The following VSIG1 variants were observed in gnomAD, a reference collection of about 807,000 sequenced individuals.
The protein encoded by VSIG1 is V-set and immunoglobulin domain containing 1, also known as V-set and immunoglobulin domain-containing protein 1.
VSIG1 carries 11 observed loss-of-function variants against 20.1 expected under a neutral mutation model. That is an observed-to-expected ratio of 0.55 (90% CI 0.34 to 0.91). The LOEUF is 0.91. VSIG1 is among the 40% of genes least tolerant of loss of function. VSIG1 has a pLI of 0.02. For missense variants in VSIG1, 283 were observed against 298.8 expected, an observed-to-expected ratio of 0.95 and a Z score of 0.39; for synonymous variants, 126 against 116.7, an observed-to-expected ratio of 1.08 and a Z score of -0.52.
At chrX:108,040,460 T>C (rs1193910777), upstream of VSIG1, among the ~76,000 whole-genome samples, 1 of 112,146 alleles carries the variant, frequency 8.9e-6, no homozygotes, top group Admixed American at 9.5e-5. Flanking sequence ...ACACTCTTAA[T>C]GGAGGTATGG....
chrX:108,044,972 A>C (rs2030538850), upstream of VSIG1: 1 of 335,465 alleles, frequency 3.0e-6, no homozygotes, highest in Admixed American at 5.6e-5. Flanking sequence ...TACTGAAAAA[A>C]GTCTATACGC....
chrX:108,051,182 G>C (rs368319802), intron 1 of VSIG1, among the ~76,000 whole-genome samples: 12 of 110,750 alleles, frequency 1.1e-4, no homozygotes, highest in Admixed American at 2.9e-4. Flanking sequence ...GAGGTGGGAG[G>C]GTAGAACAGA....
At chrX:108,031,062 C>T in the VSIG1 span, among the ~76,000 whole-genome samples, 2 of 112,208 alleles carry the variant, frequency 1.8e-5, no homozygotes, top group East Asian at 5.6e-4. Flanking sequence ...ATATTTTCTT[C>T]TACCTACAGC....
At chrX:108,063,345 C>G (rs1312293219) in intron 2 of VSIG1, among the ~76,000 whole-genome samples, 1 of 111,312 alleles carries the variant, frequency 9.0e-6, no homozygotes, top group Non-Finnish European at 1.9e-5. Context: ...AATTCCAGGT[C>G]TGACTGTAAA....
chrX:108,019,374 C>T, the VSIG1 span, among the ~76,000 whole-genome samples: 4 of 112,134 alleles, frequency 3.6e-5, no homozygotes, highest in Admixed American at 3.7e-4. Flanking sequence ...TTCAACCCTG[C>T]CCCCCCGTGT....
intron 1 of VSIG1, among the ~76,000 whole-genome samples, chrX:108,047,895 T>TATATACACACAC (rs1176733427): frequency 4.4e-5 from 2 of 45,672 alleles, no homozygotes; most frequent in Non-Finnish European, 6.4e-5. Context: ...TACACACATA[T>TATATACACACAC]ATATATATAC....
chrX:108,035,126 T>C, the VSIG1 span, among the ~76,000 whole-genome samples: 1 of 111,839 alleles, frequency 8.9e-6, no homozygotes, highest in East Asian at 2.8e-4. Flanking sequence ...TTAGATGGAG[T>C]CTTGCTCTGT....
rs1172282311 is a variant in VSIG1 at position 108,047,961 on chromosome X, CATATATAT to C, written c.49+2816_49+2823del. Among the ~76,000 whole-genome samples the C allele has an allele frequency of 4.5e-3, 89 of 19,929 alleles. 9 individuals carry two copies. Among genetic ancestry groups the C allele is most frequent in the African/African-American group, 6.4e-3 (18 of 2,812 alleles). The allele number at this position is 19,929 out of a possible 115,157, so 17.3% of individuals were successfully genotyped here. A position where few individuals can be genotyped will look rare whatever the true frequency, so the allele number is the denominator to read the frequency against. The stretch of plus-strand genomic sequence containing the variant: ...ACATATATATATATATATACACACA[CATATATAT>C]ATATATATATATATATATATATATA... On this transcript the variant is annotated intron_variant, in intron 1 of 6. Transcript: ENST00000217957.
At chrX:108,061,387 G>A in intron 2 of VSIG1, 1 of 1,038,650 alleles carries the variant, frequency 9.6e-7, no homozygotes, top group Non-Finnish European at 1.3e-6. Flanking sequence ...ATACTGTATA[G>A]CATTCAGCTC....
At chrX:108,045,220 C>A (rs375877437) in intron 1 of VSIG1, 41 bp downstream of exon 1, 178 of 1,087,196 alleles carry the variant, frequency 1.6e-4, no homozygotes, top group Non-Finnish European at 2.2e-4. Context: ...TAATTGGAAA[C>A]AGAGTTTCCT....
chrX:108,029,241 G>C, the VSIG1 span, among the ~76,000 whole-genome samples: 1 of 111,566 alleles, frequency 9.0e-6, no homozygotes. Flanking sequence ...AACTCTAGTT[G>C]AGTGTCTCAT....
At chrX:108,022,871 C>A in the VSIG1 span, among the ~76,000 whole-genome samples, 18 of 111,218 alleles carry the variant, frequency 1.6e-4, no homozygotes, top group East Asian at 5.1e-3. Flanking sequence ...TGAGAGTTGA[C>A]TGTTTTAGAA....
At chrX:108,071,136 G>C (rs1012643693) in intron 3 of VSIG1, among the ~76,000 whole-genome samples, 7 of 111,712 alleles carry the variant, frequency 6.3e-5, no homozygotes, top group Admixed American at 1.9e-4. Flanking sequence ...TACAAAGCCC[G>C]TATTCTGTGT....
intron 2 of VSIG1, chrX:108,064,563 G>A (rs1426860706): frequency 7.3e-6 from 1 of 137,726 alleles, no homozygotes; most frequent in South Asian, 3.2e-4. Context: ...CACCATTTTG[G>A]CCTCAAGATC....
chrX:108,047,790 CTATA>C (rs780506512), intron 1 of VSIG1, among the ~76,000 whole-genome samples: 13 of 55,683 alleles, frequency 2.3e-4, no homozygotes, highest in African/African-American at 6.5e-4. Flanking sequence ...CTCTCTCTCT[CTATA>C]TATATATATA....
At chrX:108,042,863 C>G (rs1015112672), upstream of VSIG1, among the ~76,000 whole-genome samples, 3 of 111,963 alleles carry the variant, frequency 2.7e-5, no homozygotes, top group Admixed American at 1.9e-4. Flanking sequence ...AAAGTAAGCA[C>G]TGTATTTTTA....
the VSIG1 span, among the ~76,000 whole-genome samples, chrX:108,022,312 G>A: frequency 1.2e-4 from 13 of 111,778 alleles, no homozygotes; most frequent in Admixed American, 8.5e-4. Flanking sequence ...TGATGCTACC[G>A]TAAATGAAAT....
At chrX:108,033,216 C>T in the VSIG1 span, among the ~76,000 whole-genome samples, 2 of 112,149 alleles carry the variant, frequency 1.8e-5, no homozygotes, top group Non-Finnish European at 3.8e-5. Context: ...ACCTCTCCCT[C>T]TCCCAGGAAG....
chrX:108,037,016 A>T, the VSIG1 span, among the ~76,000 whole-genome samples: 2 of 111,549 alleles, frequency 1.8e-5, no homozygotes, highest in African/African-American at 6.5e-5. Flanking sequence ...AGACAGAGAG[A>T]TGTATGAGGT....
Sources: gnomAD v4.1 joint callset for allele counts (sites outside exome capture counted in the v4.1 genomes callset) on GRCh38, gnomAD v4.1.1 for gene constraint, MANE v1.5 for transcripts, NCBI Gene and HGNC (gene_info 2026-07-23, HGNC 2026-07-21) for gene names.